The following FOXI2 variants were observed in gnomAD, a reference collection of about 807,000 sequenced individuals.
The protein encoded by FOXI2 is forkhead box I2.
FOXI2 carries 17 observed loss-of-function variants against 14.3 expected under a neutral mutation model. The ratio of observed to expected loss-of-function variants is 1.19; its 90% CI spans 0.81 to 1.78. The LOEUF (loss-of-function observed/expected upper bound fraction) is 1.78, where lower values mean the gene tolerates loss of function less well. Ranked by LOEUF, FOXI2 falls within the 40% of genes most tolerant of loss-of-function variation. FOXI2 has a pLI of 0.00. For missense variants in FOXI2, 541 were observed against 460.0 expected, an observed-to-expected ratio of 1.18 and a Z score of -1.61; for synonymous variants, 240 against 218.8, an observed-to-expected ratio of 1.10 and a Z score of -0.85.
rs1846494756 is a variant in FOXI2 at position 127,740,036 on chromosome 10, TCACACTGACACCC to T, written c.*1072_*1084del. 2.6e-5 allele frequency: 2 copies of T among 76,468 alleles called. No individual in the cohort carries two copies. The highest frequency in any genetic ancestry group is 1.5e-4 in the Admixed American group (1 of 6,496). The allele number at this position is 76,468 out of a possible 1,614,324, so 4.7% of individuals were successfully genotyped here. A position where few individuals can be genotyped will look rare whatever the true frequency, so the allele number is the denominator to read the frequency against. On this transcript the variant is annotated 3_prime_UTR_variant, in exon 2 of 2. Transcript: ENST00000388920. The stretch of plus-strand genomic sequence containing the variant: ...CTGACACCCACACTCACACCCACAC[TCACACTGACACCC>T]ACACTCACACCCACACTCATACTCA...
In FOXI2 at chr10:127,738,601, G is replaced by C; in HGVS notation, c.593G>C (p.Arg198Thr). Residue 198 changes from arginine to threonine, a missense_variant, in exon 2 of 2, where the codon AGA (arginine) becomes ACA (threonine). By Grantham distance (71) the Arg-to-Thr change is moderately conservative. Transcript: ENST00000388920. ...AACTTCCGAAGGAAGAGGAAGAGGA[G>C]AGCTGAAGCCAGCGCGGCCGTGCGC... is the stretch of plus-strand genomic sequence containing the variant. ...NGNFRRKRKR[R>T]AEASAAVRSG... is the part of the protein sequence containing the mutation. 6.2e-7 allele frequency: 1 copy of C among 1,611,582 alleles called. No individual in the cohort carries two copies. The highest frequency in any genetic ancestry group is 8.5e-7 in the Non-Finnish European group (1 of 1,178,762).
chr10:127,738,754 C>A lies in FOXI2; in HGVS notation c.746C>A (p.Ala249Asp). ...PEAATCFSGF[A>D]SAMSALAGGL... The stretch of plus-strand genomic sequence containing the variant: ...GCCGCCACCTGCTTCTCCGGTTTCG[C>A]TTCTGCTATGAGCGCTCTGGCTGGC... Residue 249 changes from alanine to aspartate, a missense_variant, in exon 2 of 2, where the codon GCT (alanine) becomes GAT (aspartate). By Grantham distance (126) the Ala-to-Asp change is moderately radical (BLOSUM62 -2). Coordinates refer to ENST00000388920, the MANE Select transcript of FOXI2 (RefSeq NM_207426.3). 6.2e-7 allele frequency: 1 copy of A among 1,605,010 alleles called. No individual in the cohort carries two copies. The highest frequency in any genetic ancestry group is 8.5e-7 in the Non-Finnish European group (1 of 1,176,364).
Position 127,740,286 on chromosome 10 carries a change from C to T in FOXI2, c.*1321C>T, listed in dbSNP as rs914870786. 1 of 152,216 alleles carries T rather than the reference C, an allele frequency of 6.6e-6. No individual in the cohort carries two copies. 9.4% of individuals were successfully genotyped at this position (152,216 alleles called of 1,614,324 possible). ...TTCCCCTCCAAACCCACAGTTTGAG[C>T]CAAAGCTGTGCGTGTGTTCAGAGCT... is the stretch of plus-strand genomic sequence containing the variant. On this transcript the variant is annotated 3_prime_UTR_variant, in exon 2 of 2. Coordinates refer to ENST00000388920, the MANE Select transcript of FOXI2 (RefSeq NM_207426.3).
rs755026803 is a variant in FOXI2 at position 127,738,594 on chromosome 10, A to G, written c.586A>G (p.Lys196Glu). The G allele has an allele frequency of 6.2e-7, 1 of 1,612,166 alleles. No individual in the cohort carries two copies. Among genetic ancestry groups the G allele is most frequent in the African/African-American group, 1.3e-5 (1 of 75,032 alleles). ...CAACGGGAACTTCCGAAGGAAGAGG[A>G]AGAGGAGAGCTGAAGCCAGCGCGGC... ...FDNGNFRRKR[K>E]RRAEASAAVR... is the part of the protein sequence containing the mutation. Residue 196 changes from lysine to glutamate, a missense_variant, in exon 2 of 2, where the codon AAG becomes GAG. Coordinates refer to ENST00000388920, the MANE Select transcript of FOXI2 (RefSeq NM_207426.3).
In FOXI2 at chr10:127,738,888, G is replaced by T; in HGVS notation, c.880G>T (p.Ala294Ser). 2 of 1,606,424 alleles carry T rather than the reference G, an allele frequency of 1.2e-6. No homozygotes were observed. Among genetic ancestry groups the T allele is most frequent in the Non-Finnish European group, 1.7e-6 (2 of 1,179,322 alleles). The change falls in exon 2 of 2, where the codon GCC becomes TCC. Residue 294 changes from alanine (A) to serine (S), a missense_variant. By Grantham distance (99) the Ala-to-Ser change is moderately conservative. Transcript: ENST00000388920. The stretch of plus-strand genomic sequence containing the variant: ...GACCCTTAACCCCTCCCCTGGCTTC[G>T]CCCCTGGCCACCAGACCGCGGCCGC... ...PQTLNPSPGF[A>S]PGHQTAAAGF...
intron 1 of FOXI2, among the ~76,000 whole-genome samples, chr10:127,738,105 CT>C (rs1359889966): frequency 1.3e-5 from 2 of 152,158 alleles, no homozygotes; most frequent in Non-Finnish European, 2.9e-5. Flanking sequence ...CCTCAGTGCC[CT>C]ACCTGGTAAA....
rs1564748162 is a variant in FOXI2 at position 127,737,609 on chromosome 10, C to G, written c.336C>G (p.Ala112=). The G allele has an allele frequency of 6.4e-7, 1 of 1,558,710 alleles. No homozygotes were observed. The highest frequency in any genetic ancestry group is 8.7e-7 in the Non-Finnish European group (1 of 1,151,716). Residue 112 remains alanine, a synonymous_variant, in exon 1 of 2, where the codon GCC becomes GCG. Transcript: ENST00000388920. The stretch of plus-strand genomic sequence containing the variant: ...CCTACTCCTACTCGGCGCTCATCGC[C>G]ATGGCCATCCAGAGCGCGCCGCTGC... ...RPPYSYSALI[A]MAIQSAPLRK... is the part of the protein sequence containing the mutation.
Position 127,737,203 on chromosome 10 carries a change from C to G in FOXI2, c.-71C>G. On this transcript the variant is annotated 5_prime_UTR_variant, in exon 1 of 2. Transcript: ENST00000388920. ...GCTGGTCGCACCCGGGCGCTGCTGGCGGCCAAGCTGGATGGGTCGCCAGTG... is the reference window on the plus strand; with the variant it reads ...GCTGGTCGCACCCGGGCGCTGCTGGGGGCCAAGCTGGATGGGTCGCCAGTG... 2 of 1,429,898 alleles carry G rather than the reference C, an allele frequency of 1.4e-6. No homozygotes were observed. The allele number at this position is 1,429,898 out of a possible 1,614,324, so 88.6% of individuals were successfully genotyped here.
In FOXI2 at chr10:127,740,048, C is replaced by CCACACT. The variant is rs1381781848; in HGVS notation, c.*1089_*1094dup. ...CTCACACCCACACTCACACTGACAC[C>CCACACT]CACACTCACACCCACACTCATACTC... On this transcript the variant is annotated 3_prime_UTR_variant, in exon 2 of 2. Transcript: ENST00000388920. The CCACACT allele has an allele frequency of 1.1e-4, 3 of 26,800 alleles. No individual in the cohort carries two copies. The highest frequency in any genetic ancestry group is 3.2e-4 in the Non-Finnish European group (3 of 9,232). The allele number at this position is 26,800 out of a possible 1,614,324, so 1.7% of individuals were successfully genotyped here. A position where few individuals can be genotyped will look rare whatever the true frequency, so the allele number is the denominator to read the frequency against.
In FOXI2 at chr10:127,738,833, GC is replaced by G; in HGVS notation, c.827del (p.Pro276HisfsTer58). On this transcript the variant is annotated frameshift_variant, in exon 2 of 2. Transcript: ENST00000388920. LOFTEE classifies it low-confidence loss of function (END_TRUNC). Reference sequence around the variant, plus strand: ...CGGGCGACTTTTCTTTCGGGAGGCGGCCACCGACAGTCGCCACCCACGCTCC... The same window carrying G: ...CGGGCGACTTTTCTTTCGGGAGGCGGCACCGACAGTCGCCACCCACGCTCC... The part of the protein sequence containing the change: ...LAGDFSFGRR[P>X]PTVATHAPQT... 2 of 1,606,052 alleles carry G rather than the reference GC, an allele frequency of 1.2e-6. No individual in the cohort carries two copies. The highest frequency in any genetic ancestry group is 1.7e-6 in the Non-Finnish European group (2 of 1,177,620).
Position 127,737,504 on chromosome 10 carries a change from C to T in FOXI2, c.231C>T (p.Ala77=), listed in dbSNP as rs1846431081. The T allele has an allele frequency of 7.1e-7, 1 of 1,406,764 alleles. No homozygotes were observed. The allele number at this position is 1,406,764 out of a possible 1,614,324, so 87.1% of individuals were successfully genotyped here. The change falls in exon 1 of 2, where the codon GCC becomes GCT. Residue 77 remains alanine, a synonymous_variant. Transcript: ENST00000388920. Reference sequence around the variant, plus strand: ...GGGCTCCCGGCCCGCTCCTCGGCGCCCCGGGCGGCCTGGCGGGCGCCGACC... The same window carrying T: ...GGGCTCCCGGCCCGCTCCTCGGCGCTCCGGGCGGCCTGGCGGGCGCCGACC... ...SYGAPGPLLG[A]PGGLAGADLA...
chr10:127,738,740 C>T lies in FOXI2; in HGVS notation c.732C>T (p.Cys244=). 6.2e-7 allele frequency: 1 copy of T among 1,602,534 alleles called. No individual in the cohort carries two copies. Residue 244 remains cysteine (C), a synonymous_variant, in exon 2 of 2, where the codon TGC becomes TGT. Coordinates refer to ENST00000388920, the MANE Select transcript of FOXI2 (RefSeq NM_207426.3). ...PSPSAPEAAT[C]FSGFASAMSA... is the part of the protein sequence containing the mutation. ...CATCCGCACCCGAGGCCGCCACCTG[C>T]TTCTCCGGTTTCGCTTCTGCTATGA...
chr10:127,739,937 A>AC lies in FOXI2; in HGVS notation c.*973dup, dbSNP rs1168296192. ...CACCCACACCCACACTCACACCCAC[A>AC]CACACTCACACCCACACACACCCAC... is the stretch of plus-strand genomic sequence containing the variant. On this transcript the variant is annotated 3_prime_UTR_variant, in exon 2 of 2. Coordinates refer to ENST00000388920, the MANE Select transcript of FOXI2 (RefSeq NM_207426.3). 11 of 53,308 alleles carry AC rather than the reference A, an allele frequency of 2.1e-4. No individual in the cohort carries two copies. The highest frequency in any genetic ancestry group is 3.4e-4 in the African/African-American group (4 of 11,830). 3.3% of individuals were successfully genotyped at this position (53,308 alleles called of 1,614,324 possible). A position where few individuals can be genotyped will look rare whatever the true frequency, so the allele number is the denominator to read the frequency against.
Position 127,738,957 on chromosome 10 carries a change from G to T in FOXI2, c.949G>T (p.Glu317Ter), listed in dbSNP as rs200515796. ...SHLLYSREGT[E>*]V ...CCTCCTCTACAGCCGGGAAGGGACC[G>T]AAGTTTGAAGGGAGGCTGGAGGCTA... The change falls in exon 2 of 2, where the codon GAA becomes TAA. Residue 317 changes from glutamate (E) to a stop codon, truncating the protein, a stop_gained. Coordinates refer to ENST00000388920, the MANE Select transcript of FOXI2 (RefSeq NM_207426.3). LOFTEE classifies it high-confidence loss of function. 3.4e-5 allele frequency: 54 copies of T among 1,599,488 alleles called. No homozygotes were observed. The highest frequency in any genetic ancestry group is 1.5e-5 in the Non-Finnish European group (18 of 1,179,316).
At position 127,739,881 on chromosome 10, in the gene FOXI2, CCACACCCACACCCACACTCACA is replaced by C. The variant is rs1846481879; in HGVS notation, c.*922_*943del. On this transcript the variant is annotated 3_prime_UTR_variant, in exon 2 of 2. Transcript: ENST00000388920. ...CCCACACTCACACCCACACTCACACCCACACCCACACCCACACTCACACACACTCACACCCACACCCACACTC... is the reference window on the plus strand; with the variant it reads ...CCCACACTCACACCCACACTCACACCCACACTCACACCCACACCCACACTC... 1.5e-5 allele frequency: 1 copy of C among 66,830 alleles called. No homozygotes were observed. Among genetic ancestry groups the C allele is most frequent in the Admixed American group, 1.5e-4 (1 of 6,790 alleles). 4.1% of individuals were successfully genotyped at this position (66,830 alleles called of 1,614,324 possible).
rs1846472874 is a variant in FOXI2 at position 127,739,795 on chromosome 10, A to T, written c.*830A>T. On this transcript the variant is annotated 3_prime_UTR_variant, in exon 2 of 2. Coordinates refer to ENST00000388920, the MANE Select transcript of FOXI2 (RefSeq NM_207426.3). ...CACCCACACCCACACTCACACCCAC[A>T]CTCACACCCACACTCACACCCACAC... 1 of 125,066 alleles carries T rather than the reference A, an allele frequency of 8.0e-6. No individual in the cohort carries two copies. The highest frequency in any genetic ancestry group is 2.8e-4 in the South Asian group (1 of 3,636). The allele number at this position is 125,066 out of a possible 1,614,324, so 7.7% of individuals were successfully genotyped here.
In FOXI2 at chr10:127,740,069, T is replaced by TCACACACACACCCAC. The variant is rs1554874515; in HGVS notation, c.*1104_*1105insCACACACACACCCAC. 1.6e-5 allele frequency: 1 copy of TCACACACACACCCAC among 62,076 alleles called. No homozygotes were observed. The highest frequency in any genetic ancestry group is 2.9e-5 in the Non-Finnish European group (1 of 34,888). 3.8% of individuals were successfully genotyped at this position (62,076 alleles called of 1,614,324 possible). On this transcript the variant is annotated 3_prime_UTR_variant, in exon 2 of 2. Coordinates refer to ENST00000388920, the MANE Select transcript of FOXI2 (RefSeq NM_207426.3). The stretch of plus-strand genomic sequence containing the variant: ...ACACCCACACTCACACCCACACTCA[T>TCACACACACACCCAC]ACTCACACTCACACCCACACTCACA...
Position 127,737,241 on chromosome 10 carries a change from G to T in FOXI2, c.-33G>T. The T allele has an allele frequency of 1.4e-6, 2 of 1,468,292 alleles. No homozygotes were observed. Among genetic ancestry groups the T allele is most frequent in the Non-Finnish European group, 1.8e-6 (2 of 1,120,594 alleles). The allele number at this position is 1,468,292 out of a possible 1,614,324, so 91.0% of individuals were successfully genotyped here. On this transcript the variant is annotated 5_prime_UTR_variant, in exon 1 of 2. Transcript: ENST00000388920. Reference sequence around the variant, plus strand: ...TGGGTCGCCAGTGAGTTTCGGTGCGGCACCGCTGGCCCAGGCCCGGGCGCG... The same window carrying T: ...TGGGTCGCCAGTGAGTTTCGGTGCGTCACCGCTGGCCCAGGCCCGGGCGCG...
At position 127,737,432 on chromosome 10, in the gene FOXI2, C is replaced by G; in HGVS notation, c.159C>G (p.Tyr53Ter). 7.3e-7 allele frequency: 1 copy of G among 1,366,246 alleles called. No homozygotes were observed. The highest frequency in any genetic ancestry group is 9.3e-7 in the Non-Finnish European group (1 of 1,070,960). 84.6% of individuals were successfully genotyped at this position (1,366,246 alleles called of 1,614,324 possible). A position where few individuals can be genotyped will look rare whatever the true frequency, so the allele number is the denominator to read the frequency against. Residue 53 changes from tyrosine to a stop codon, truncating the protein, a stop_gained, in exon 1 of 2, where the codon TAC (tyrosine) becomes TAG (stop). Transcript: ENST00000388920. LOFTEE classifies it high-confidence loss of function. ...CGCCAGCGCTCAGCCCCAAGTCCTA[C>G]GCTTCGGGTCCCGGGCCTGCGCCGC... ...VNAPALSPKS[Y>*]ASGPGPAPPY...
Sources: gnomAD v4.1 joint callset for allele counts (sites outside exome capture counted in the v4.1 genomes callset) on GRCh38, gnomAD v4.1.1 for gene constraint, MANE v1.5 for transcripts, NCBI Gene and HGNC (gene_info 2026-07-23, HGNC 2026-07-21) for gene names.